Variants in CPSF3 observed in about 807,000 individuals in gnomAD.
The protein encoded by CPSF3 is cleavage and polyadenylation specific factor 3.
In CPSF3, 57 loss-of-function variants were observed where a neutral mutation model predicts 84.1. That is an observed-to-expected ratio of 0.68 (90% confidence interval 0.55 to 0.85). The LOEUF (loss-of-function observed/expected upper bound fraction) is 0.85, where lower values mean the gene tolerates loss of function less well. CPSF3 is among the 40% of genes least tolerant of loss of function. The pLI is 0.00. For missense variants in CPSF3, 522 were observed against 838.8 expected (o/e 0.62, Z 4.66); for synonymous variants, 275 against 278.1 (o/e 0.99, Z 0.11).
In CPSF3 at chr2:9,459,602, T is replaced by A. The variant is rs780074784; in HGVS notation, c.1770T>A (p.Asn590Lys). The change falls in exon 15 of 18, where the codon AAT (asparagine) becomes AAA (lysine). Residue 590 changes from asparagine to lysine, a missense_variant. Physicochemically the swap from Asn to Lys is moderately conservative, Grantham distance 94 (BLOSUM62 0). Coordinates refer to ENST00000238112, the MANE Select transcript of CPSF3 (RefSeq NM_016207.4). ...VTTVILEVQS[N>K]PKIRKGAVQK... ...CTGTGATATTGGAAGTTCAGTCAAA[T>A]CCCAAAATAAGAAAAGGTAAGAGTT... 2 of 1,056,304 alleles carry A rather than the reference T, an allele frequency of 1.9e-6. No homozygotes were observed. Among genetic ancestry groups the A allele is most frequent in the Non-Finnish European group, 2.8e-6 (2 of 715,462 alleles). 65.4% of individuals were successfully genotyped at this position (1,056,304 alleles called of 1,614,324 possible). A position where few individuals can be genotyped will look rare whatever the true frequency, so the allele number is the denominator to read the frequency against.
chr2:9,447,865 TAGA>T (rs1258867162), intron 10 of CPSF3, among the ~76,000 whole-genome samples: 1 of 152,164 alleles, frequency 6.6e-6, no homozygotes, highest in East Asian at 1.9e-4. Context: ...CATTTAAAAC[TAGA>T]AGAGACTACA....
At chr2:9,472,222 G>A (rs1483562555) in intron 17 of CPSF3, among the ~76,000 whole-genome samples, 1 of 148,004 alleles carries the variant, frequency 6.8e-6, no homozygotes, top group Non-Finnish European at 1.5e-5. Flanking sequence ...TAAGGCAGGA[G>A]AACCCAGGAA....
At chr2:9,440,400 T>A in intron 7 of CPSF3, 91 bp from the exon 8 acceptor site, 1 of 996,768 alleles carries the variant, frequency 1.0e-6, no homozygotes, top group Middle Eastern at 2.8e-4. Flanking sequence ...GTTGTATGTG[T>A]ATCATTTCTT....
chr2:9,438,040 T>C (rs552151152), intron 7 of CPSF3, among the ~76,000 whole-genome samples: 1 of 152,340 alleles, frequency 6.6e-6, no homozygotes, highest in Non-Finnish European at 1.5e-5. Flanking sequence ...TTTGCATGAG[T>C]GTCACCTCTG....
chr2:9,426,546 T>C (rs1680399814), intron 1 of CPSF3, among the ~76,000 whole-genome samples: 1 of 152,160 alleles, frequency 6.6e-6, no homozygotes, highest in African/African-American at 2.4e-5. Context: ...TGGAAGTCCT[T>C]AGCATGTCAG....
At chr2:9,440,328 A>C (rs867744432) in intron 7 of CPSF3, among the ~76,000 whole-genome samples, 163 bp from the exon 8 acceptor site, 5 of 152,204 alleles carry the variant, frequency 3.3e-5, no homozygotes, top group African/African-American at 1.2e-4. Context: ...AATTTAAGTT[A>C]GTTACAACCA....
chr2:9,451,868 C>T (rs1177933952), intron 11 of CPSF3, among the ~76,000 whole-genome samples: 1 of 151,946 alleles, frequency 6.6e-6, no homozygotes, highest in Non-Finnish European at 1.5e-5. Flanking sequence ...AGGCGCCCGC[C>T]ACCACGGCCA....
intron 15 of CPSF3, among the ~76,000 whole-genome samples, chr2:9,466,254 A>G (rs116361693): frequency 0.36 from 42,261 of 117,292 alleles, 6,281 homozygotes; most frequent in Middle Eastern, 0.48. Context: ...GCACGCGCAC[A>G]CACGCACACA....
intron 15 of CPSF3, among the ~76,000 whole-genome samples, chr2:9,462,194 C>T (rs915366619): frequency 1.3e-5 from 2 of 152,154 alleles, no homozygotes; most frequent in African/African-American, 2.4e-5. Flanking sequence ...GCTGTAAGGC[C>T]CCCATCCTTC....
In CPSF3 at chr2:9,459,638, C is replaced by CTTTTTTTTT. The variant is rs543727439; in HGVS notation, c.1786+40_1786+48dup. ...GAAAAGGTAAGAGTTCATTTTTATCCTTTTTTTTTTTTTTTTTTTTTTTTT... is the reference window on the plus strand; with the variant it reads ...GAAAAGGTAAGAGTTCATTTTTATCCTTTTTTTTTTTTTTTTTTTTTTTTTTTTTTTTTT... On this transcript the variant is annotated intron_variant, in intron 15 of 17. Coordinates refer to ENST00000238112, the MANE Select transcript of CPSF3 (RefSeq NM_016207.4). 53 of 310,492 alleles carry CTTTTTTTTT rather than the reference C, an allele frequency of 1.7e-4. 3 individuals are homozygous for CTTTTTTTTT. The African/African-American group carries it at 1.9e-3, about 11-fold the overall frequency. The allele number at this position is 310,492 out of a possible 1,614,324, so 19.2% of individuals were successfully genotyped here. A position where few individuals can be genotyped will look rare whatever the true frequency, so the allele number is the denominator to read the frequency against.
chr2:9,460,004 A>T (rs989185377), intron 15 of CPSF3, among the ~76,000 whole-genome samples: 1 of 152,054 alleles, frequency 6.6e-6, no homozygotes, highest in African/African-American at 2.4e-5. Flanking sequence ...AAAAGGCAGT[A>T]CATAGACTCC....
intron 5 of CPSF3, 67 bp downstream of exon 5, chr2:9,432,755 T>A: frequency 7.8e-7 from 1 of 1,280,872 alleles, no homozygotes; most frequent in Non-Finnish European, 1.0e-6. Flanking sequence ...CACCAAGTAC[T>A]ATTAAAAAAA....
chr2:9,426,239 G>A (rs1680387175), intron 1 of CPSF3, among the ~76,000 whole-genome samples: 1 of 152,216 alleles, frequency 6.6e-6, no homozygotes, highest in Admixed American at 6.5e-5. Flanking sequence ...TAAGATAACT[G>A]ATGCTGGGTT....
intron 16 of CPSF3, 64 bp downstream of exon 16, chr2:9,467,840 C>T (rs1682027254): frequency 3.8e-6 from 5 of 1,305,806 alleles, no homozygotes; most frequent in Admixed American, 1.7e-5. Flanking sequence ...GCCCTGGATT[C>T]GGCTCTGACT....
chr2:9,472,071 T>C (rs1032911980), intron 17 of CPSF3, among the ~76,000 whole-genome samples: 6 of 148,612 alleles, frequency 4.0e-5, no homozygotes, highest in African/African-American at 1.2e-4. Context: ...CCCAACACTT[T>C]GGGAGGTCAA....
Position 9,459,638 on chromosome 2 carries a change from C to CA in CPSF3, c.1786+20_1786+21insA. On this transcript the variant is annotated intron_variant, in intron 15 of 17. Coordinates refer to ENST00000238112, the MANE Select transcript of CPSF3 (RefSeq NM_016207.4). The stretch of plus-strand genomic sequence containing the variant: ...GAAAAGGTAAGAGTTCATTTTTATC[C>CA]TTTTTTTTTTTTTTTTTTTTTTTTT... 2 of 309,952 alleles carry CA rather than the reference C, an allele frequency of 6.5e-6. No individual in the cohort carries two copies. The highest frequency in any genetic ancestry group is 5.5e-6 in the Non-Finnish European group (1 of 181,562). The allele number at this position is 309,952 out of a possible 1,614,324, so 19.2% of individuals were successfully genotyped here.
intron 10 of CPSF3, among the ~76,000 whole-genome samples, chr2:9,444,831 A>G (rs1198688065): frequency 6.6e-6 from 1 of 151,972 alleles, no homozygotes; most frequent in Admixed American, 6.6e-5. Flanking sequence ...ACGCCCAGCT[A>G]ATTTTTGTAT....
intron 4 of CPSF3, among the ~76,000 whole-genome samples, chr2:9,431,989 G>C (rs1405839780): frequency 6.6e-6 from 1 of 152,210 alleles, no homozygotes; most frequent in Non-Finnish European, 1.5e-5. Context: ...ACAGAGCAAG[G>C]ATTTGAACCC....
At chr2:9,435,651 A>C (rs1680751789) in intron 6 of CPSF3, among the ~76,000 whole-genome samples, 1 of 152,052 alleles carries the variant, frequency 6.6e-6, no homozygotes, top group Non-Finnish European at 1.5e-5. Flanking sequence ...TCCTGACCTC[A>C]GGTGATCCAC....
Sources: allele counts gnomAD v4.1 joint callset (sites outside exome capture counted in the v4.1 genomes callset), GRCh38; gene constraint gnomAD v4.1.1; transcripts MANE v1.5; gene names NCBI Gene and HGNC (gene_info 2026-07-23, HGNC 2026-07-21).